Variants in SH3PXD2A observed in about 807,000 individuals in gnomAD.
SH3PXD2A encodes SH3 and PX domain-containing protein 2A.
Under a neutral mutation model 115.2 loss-of-function variants are expected in SH3PXD2A, and 32 were observed. The observed-to-expected ratio is 0.28, with a 90% CI of 0.21 to 0.37. SH3PXD2A has a LOEUF of 0.37. Ranked by LOEUF, SH3PXD2A falls within the 10% of genes least tolerant of loss-of-function variation. The probability of loss-of-function intolerance (pLI) is 1.00; values close to 1 mark genes in which losing one functional copy is unlikely to be tolerated. For synonymous variants in SH3PXD2A, 610 were observed against 629.1 expected, an observed-to-expected ratio of 0.97 and a Z score of 0.45; for missense variants, 1,328 against 1,498.7, an observed-to-expected ratio of 0.89 and a Z score of 1.88.
chr10:103,769,177 T>TGCGC (rs1168636744), intron 2 of SH3PXD2A, among the ~76,000 whole-genome samples: 2 of 112,532 alleles, frequency 1.8e-5, no homozygotes, highest in African/African-American at 6.6e-5. Context: ...TGTGTGTGTG[T>TGCGC]GTGTGCGCGC....
chr10:103,633,219 C>T (rs181322281), intron 8 of SH3PXD2A, among the ~76,000 whole-genome samples: 1 of 152,296 alleles, frequency 6.6e-6, no homozygotes, highest in Admixed American at 6.5e-5. Context: ...AATTTGAGAC[C>T]AGCCTGGCCA....
intron 2 of SH3PXD2A, among the ~76,000 whole-genome samples, chr10:103,796,384 TAA>T (rs768901709): frequency 1.4e-5 from 2 of 142,054 alleles, no homozygotes; most frequent in African/African-American, 2.7e-5. Context: ...TAAATAAAAG[TAA>T]AAAAAAAAAA....
At position 103,595,311 on chromosome 10, in the gene SH3PXD2A, CTCT is replaced by C. The variant is rs1458563489; in HGVS notation, c.*6502_*6504del. On this transcript the variant is annotated 3_prime_UTR_variant, in exon 15 of 15. Coordinates refer to ENST00000369774, the MANE Select transcript of SH3PXD2A (RefSeq NM_001394015.1). ...TCACTAAATTCCCTTTCTACCTGCT[CTCT>C]TCTTCCTGAAACACTCAGAGCTGAC... The C allele has an allele frequency of 1.3e-5, 2 of 152,196 alleles. No homozygotes were observed. The highest frequency in any genetic ancestry group is 2.9e-5 in the Non-Finnish European group (2 of 68,032). 9.4% of individuals were successfully genotyped at this position (152,196 alleles called of 1,614,324 possible). A position where few individuals can be genotyped will look rare whatever the true frequency, so the allele number is the denominator to read the frequency against.
At chr10:103,818,573 G>C (rs1196600508) in intron 1 of SH3PXD2A, among the ~76,000 whole-genome samples, 1 of 152,188 alleles carries the variant, frequency 6.6e-6, no homozygotes, top group Non-Finnish European at 1.5e-5. Flanking sequence ...GGTAGACCCT[G>C]ATGTGCAGGA....
rs1165422933 is a variant in SH3PXD2A at position 103,767,148 on chromosome 10, G to A, written c.175C>T (p.Pro59Ser). 3 of 1,613,862 alleles carry A rather than the reference G, an allele frequency of 1.9e-6. No homozygotes were observed. Among genetic ancestry groups the A allele is most frequent in the Non-Finnish European group, 1.7e-6 (2 of 1,179,880 alleles). Residue 59 changes from proline (P) to serine (S), a missense_variant, in exon 3 of 15, where the codon CCC becomes TCC. Coordinates refer to ENST00000369774, the MANE Select transcript of SH3PXD2A (RefSeq NM_001394015.1). ...DLQMQLLDKFPIEGGQKDPKQ... is the reference protein window; with the variant it reads ...DLQMQLLDKFSIEGGQKDPKQ... ...GGGTCCTTCTGGCCACCTTCAATGG[G>A]AAACTTATCCAAAAGCTGCATCTGA...
chr10:103,802,345 G>A (rs909915657), intron 1 of SH3PXD2A, among the ~76,000 whole-genome samples: 6 of 152,206 alleles, frequency 3.9e-5, no homozygotes, highest in African/African-American at 1.4e-4. Flanking sequence ...AAACGGATTT[G>A]AAGAAGAGGC....
At chr10:103,797,398 G>T (rs112755423) in intron 2 of SH3PXD2A, among the ~76,000 whole-genome samples, 1 of 152,034 alleles carries the variant, frequency 6.6e-6, no homozygotes, top group Non-Finnish European at 1.5e-5. Flanking sequence ...TCGGTGGCGG[G>T]GGGAGGTTCT....
At chr10:103,607,589 C>T (rs1481301283) in intron 13 of SH3PXD2A, among the ~76,000 whole-genome samples, 6 of 152,078 alleles carry the variant, frequency 3.9e-5, no homozygotes, top group African/African-American at 9.7e-5. Flanking sequence ...CGCCTCTGCC[C>T]GGCCGCCCCT....
At chr10:103,782,690 A>G (rs2038942173) in intron 2 of SH3PXD2A, among the ~76,000 whole-genome samples, 1 of 152,038 alleles carries the variant, frequency 6.6e-6, no homozygotes, top group Non-Finnish European at 1.5e-5. Flanking sequence ...GGAATGACAT[A>G]GTAAACAACA....
At chr10:103,835,510 C>G (rs927168583) in intron 1 of SH3PXD2A, among the ~76,000 whole-genome samples, 1 of 152,204 alleles carries the variant, frequency 6.6e-6, no homozygotes, top group East Asian at 1.9e-4. Flanking sequence ...AATCTCCACA[C>G]GGTGGAGAAA....
At chr10:103,804,307 ACAT>A (rs1356600677) in intron 1 of SH3PXD2A, among the ~76,000 whole-genome samples, 2 of 138,268 alleles carry the variant, frequency 1.4e-5, no homozygotes, top group African/African-American at 5.3e-5. Flanking sequence ...TTTTTGGTTG[ACAT>A]CATCTTTTTT....
At chr10:103,617,343 A>G in intron 10 of SH3PXD2A, 29 bp from the exon 11 acceptor site, 1 of 1,527,450 alleles carries the variant, frequency 6.5e-7, no homozygotes, top group Non-Finnish European at 9.1e-7. Flanking sequence ...AAGCAAGATT[A>G]TTTGAGGTCG....
chr10:103,849,896 TA>T (rs1842881556), intron 1 of SH3PXD2A, among the ~76,000 whole-genome samples: 1 of 152,104 alleles, frequency 6.6e-6, no homozygotes, highest in African/African-American at 2.4e-5. Context: ...TCGAGAGGAG[TA>T]AGTGGGACTA....
rs1231961390 is a variant in SH3PXD2A, at chr10:103,686,027, CA to C, written c.427+7000del. ...TTGCCAAAACCTAAACTGTCAACCC[CA>C]GGCAACACTGCTTCTCTGCAGTGAA... is the stretch of plus-strand genomic sequence containing the variant. On this transcript the variant is annotated intron_variant, in intron 6 of 14. Coordinates refer to ENST00000369774, the MANE Select transcript of SH3PXD2A (RefSeq NM_001394015.1). 2.0e-5 allele frequency among the ~76,000 whole-genome samples: 3 copies of C among 152,206 alleles called. No individual in the cohort carries two copies. In the East Asian group the frequency reaches 5.8e-4, roughly 29 times the overall value.
chr10:103,618,084 C>A (rs2036547152), intron 10 of SH3PXD2A, among the ~76,000 whole-genome samples: 1 of 152,242 alleles, frequency 6.6e-6, no homozygotes, highest in African/African-American at 2.4e-5. Context: ...GAGGCCTAGC[C>A]CCTCTGGAGG....
rs2036720970 is a variant in SH3PXD2A, at chr10:103,627,826, TCCTCTGAGCAC to T, written c.605-635_605-625del. ...ATCTTATTTGTTCATTCATGCAAAG[TCCTCTGAGCAC>T]CCAGGTCTTGGGACTCCACTAACTG... On this transcript the variant is annotated intron_variant, in intron 8 of 14. Transcript: ENST00000369774. This position sits in a 1 kb window ranked among gnomAD's most constrained non-coding sequence, Gnocchi z 4.4. Among the ~76,000 whole-genome samples, 2 of 152,244 alleles carry T rather than the reference TCCTCTGAGCAC, an allele frequency of 1.3e-5. No homozygotes were observed. The highest frequency in any genetic ancestry group is 2.9e-5 in the Non-Finnish European group (2 of 68,048).
At chr10:103,818,519 C>A (rs2039346357) in intron 1 of SH3PXD2A, among the ~76,000 whole-genome samples, 1 of 152,158 alleles carries the variant, frequency 6.6e-6, no homozygotes, top group South Asian at 2.1e-4. Flanking sequence ...AGAACTGATT[C>A]CTAAAATATC....
chr10:103,680,757 T>C (rs950743551), intron 6 of SH3PXD2A, among the ~76,000 whole-genome samples: 1 of 152,218 alleles, frequency 6.6e-6, no homozygotes, highest in Non-Finnish European at 1.5e-5. Context: ...GGGAAAAGCA[T>C]GATTTTCCTG....
intron 2 of SH3PXD2A, among the ~76,000 whole-genome samples, chr10:103,776,142 T>C (rs1484966601): frequency 1.3e-5 from 2 of 152,158 alleles, no homozygotes; most frequent in Non-Finnish European, 2.9e-5. Flanking sequence ...ATTCCAGCAC[T>C]CTGGGAGGCC....
Sources: allele counts gnomAD v4.1 joint callset (sites outside exome capture counted in the v4.1 genomes callset), GRCh38; gene constraint gnomAD v4.1.1; non-coding constraint Gnocchi (gnomAD v3.1); transcripts MANE v1.5; gene names NCBI Gene and HGNC (gene_info 2026-07-23, HGNC 2026-07-21).